OSTF1: variants seen among roughly 807,000 people sequenced by gnomAD.
OSTF1 encodes osteoclast stimulating factor 1, also known as osteoclast-stimulating factor 1.
In OSTF1, 27 loss-of-function variants were observed where a neutral mutation model predicts 37.2. The observed-to-expected ratio is 0.73, with a 90% CI of 0.54 to 1.00. The LOEUF is 1.00. OSTF1 is among the 50% of genes least tolerant of loss of function. The probability of loss-of-function intolerance (pLI) is 0.00; values close to 1 mark genes in which losing one functional copy is unlikely to be tolerated. For missense variants in OSTF1, 232 were observed against 253.8 expected, an observed-to-expected ratio of 0.91 and a Z score of 0.58; for synonymous variants, 82 against 89.2, an observed-to-expected ratio of 0.92 and a Z score of 0.46.
Position 75,088,707 on chromosome 9 carries a change from A to G in OSTF1, c.15A>G (p.Pro5=). MSKP[P]PKPVKPGQVK... is the part of the protein sequence containing the mutation. ...CAGGAAGCGAGATGTCGAAGCCGCCACCCAAACCAGTCAAACCAGGTGAGG... is the reference window on the plus strand; with the variant it reads ...CAGGAAGCGAGATGTCGAAGCCGCCGCCCAAACCAGTCAAACCAGGTGAGG... The change falls in exon 1 of 10, where the codon CCA becomes CCG. Residue 5 remains proline, a synonymous_variant. Transcript: ENST00000346234. 1 of 1,609,074 alleles carries G rather than the reference A, an allele frequency of 6.2e-7. No homozygotes were observed. Among genetic ancestry groups the G allele is most frequent in the East Asian group, 2.2e-5 (1 of 44,530 alleles).
At chr9:75,125,010 A>T (rs1825639273) in intron 2 of OSTF1, among the ~76,000 whole-genome samples, 1 of 152,232 alleles carries the variant, frequency 6.6e-6, no homozygotes, top group Non-Finnish European at 1.5e-5. Flanking sequence ...TAGATGGGAC[A>T]GACTTCTTCA....
At chr9:75,125,508 G>A (rs904216122) in intron 2 of OSTF1, among the ~76,000 whole-genome samples, 1 of 152,168 alleles carries the variant, frequency 6.6e-6, no homozygotes, top group African/African-American at 2.4e-5. Flanking sequence ...ATCAAAATGT[G>A]TATTACAAGG....
At chr9:75,119,477 G>A (rs1196231514) in intron 2 of OSTF1, among the ~76,000 whole-genome samples, 3 of 152,180 alleles carry the variant, frequency 2.0e-5, no homozygotes, top group Non-Finnish European at 4.4e-5. Flanking sequence ...CTATAACAAA[G>A]TTCTACAGAC....
In OSTF1 at chr9:75,130,317, T is replaced by A. The variant is rs149492444; in HGVS notation, c.133-261T>A. ...ACTAGCGTAATTTGTTTTCTTCTGT[T>A]TCATGTCATCTCTTATTTGTTTGGT... On this transcript the variant is annotated intron_variant, in intron 3 of 9. Transcript: ENST00000346234. 5.3e-4 allele frequency among the ~76,000 whole-genome samples: 80 copies of A among 152,322 alleles called. No individual in the cohort carries two copies. In the East Asian group the frequency reaches 8.5e-3, roughly 16 times the overall value.
rs774339576 is a variant in OSTF1, at chr9:75,127,542, G to T, written c.82-27G>T. 3 of 1,386,866 alleles carry T rather than the reference G, an allele frequency of 2.2e-6. No individual in the cohort carries two copies. In the African/African-American group the frequency reaches 4.4e-5, roughly 20 times the overall value. 85.9% of individuals were successfully genotyped at this position (1,386,866 alleles called of 1,614,324 possible). ...TATTCTAATTCATGAAAAATCACAT[G>T]GAGTCAAACTTTTTTTTTTCTTCTA... On this transcript the variant is annotated intron_variant, in intron 2 of 9. Coordinates refer to ENST00000346234, the MANE Select transcript of OSTF1 (RefSeq NM_012383.5).
At chr9:75,113,233 A>G (rs1206570996) in intron 1 of OSTF1, among the ~76,000 whole-genome samples, 1 of 152,136 alleles carries the variant, frequency 6.6e-6, no homozygotes, top group Non-Finnish European at 1.5e-5. Context: ...TTCGTTGATT[A>G]TAAAGGTAAT....
intron 1 of OSTF1, among the ~76,000 whole-genome samples, chr9:75,101,791 C>T (rs1214729225): frequency 6.6e-6 from 1 of 152,124 alleles, no homozygotes; most frequent in African/African-American, 2.4e-5. Flanking sequence ...AGCTTAAGCT[C>T]AGTTCTGTCT....
chr9:75,105,385 T>C (rs1186760643), intron 1 of OSTF1, among the ~76,000 whole-genome samples: 1 of 152,224 alleles, frequency 6.6e-6, no homozygotes, highest in Non-Finnish European at 1.5e-5. Flanking sequence ...AACTCTGCCA[T>C]GGTATAATGT....
chr9:75,090,319 GTGTGTGTGTGT>G (rs1824950040), intron 1 of OSTF1, among the ~76,000 whole-genome samples: 1 of 118,366 alleles, frequency 8.4e-6, no homozygotes, highest in African/African-American at 3.0e-5. Context: ...GTGTGTGTGT[GTGTGTGTGTGT>G]ACACAGTAAT....
chr9:75,095,361 C>G (rs1458103967), intron 1 of OSTF1, among the ~76,000 whole-genome samples: 1 of 152,090 alleles, frequency 6.6e-6, no homozygotes, highest in Non-Finnish European at 1.5e-5. Flanking sequence ...ATGTCTTAAA[C>G]AGAAAAATCT....
chr9:75,105,293 G>C (rs1263695271), intron 1 of OSTF1, among the ~76,000 whole-genome samples: 1 of 152,102 alleles, frequency 6.6e-6, no homozygotes, highest in East Asian at 1.9e-4. Flanking sequence ...CAAGGTAGAG[G>C]TCTGCAAACA....
intron 4 of OSTF1, among the ~76,000 whole-genome samples, chr9:75,130,871 T>G (rs1319717831): frequency 2.0e-5 from 3 of 152,180 alleles, no homozygotes; most frequent in Admixed American, 6.5e-5. Context: ...ACCCAAGGTT[T>G]CCAAGGAAAC....
rs201611729 is a variant in OSTF1, at chr9:75,095,890, G to GC, written c.34+7170dup. Reference sequence around the variant, plus strand: ...ACAAGTTATTGGTGTGACTGCTGTGGCCCCCCTTTTTTTTTTTTTGAGATG... The same window carrying GC: ...ACAAGTTATTGGTGTGACTGCTGTGGCCCCCCCTTTTTTTTTTTTTGAGATG... On this transcript the variant is annotated intron_variant, in intron 1 of 9. Transcript: ENST00000346234. 7.5e-4 allele frequency among the ~76,000 whole-genome samples: 111 copies of GC among 148,962 alleles called. 2 individuals are homozygous for GC. Among genetic ancestry groups the GC allele is most frequent in the Middle Eastern group, 3.5e-3 (1 of 286 alleles).
At chr9:75,137,743 G>A in intron 8 of OSTF1, 127 bp downstream of exon 8, 2 of 644,270 alleles carry the variant, frequency 3.1e-6, no homozygotes, top group South Asian at 1.9e-5. Flanking sequence ...CCTTTGCTCT[G>A]CCTGTGTATC....
At chr9:75,115,924 C>A (rs1018562677) in intron 1 of OSTF1, among the ~76,000 whole-genome samples, 6 of 151,788 alleles carry the variant, frequency 4.0e-5, no homozygotes, top group Non-Finnish European at 7.4e-5. Context: ...GCCAACATGG[C>A]GAAACCCCAT....
chr9:75,145,921 C>T (rs901342062), intron 9 of OSTF1, among the ~76,000 whole-genome samples: 5 of 152,126 alleles, frequency 3.3e-5, no homozygotes, highest in South Asian at 2.1e-4. Context: ...ATACTTGGAA[C>T]CGGTCATATG....
At chr9:75,100,582 T>A (rs558766696) in intron 1 of OSTF1, among the ~76,000 whole-genome samples, 1 of 151,964 alleles carries the variant, frequency 6.6e-6, no homozygotes, top group Non-Finnish European at 1.5e-5. Flanking sequence ...ATACAAAAAT[T>A]AGCCGGGCCG....
intron 8 of OSTF1, among the ~76,000 whole-genome samples, chr9:75,138,294 C>A (rs1239978014): frequency 6.6e-6 from 1 of 152,076 alleles, no homozygotes; most frequent in East Asian, 1.9e-4. Flanking sequence ...ATCCTCAGAG[C>A]AATATTGTGG....
intron 2 of OSTF1, among the ~76,000 whole-genome samples, chr9:75,125,954 G>A (rs775190860): frequency 6.6e-6 from 1 of 152,080 alleles, no homozygotes; most frequent in Non-Finnish European, 1.5e-5. Flanking sequence ...CTGTCACTCA[G>A]GCTGGAGTGC....
Sources: gnomAD v4.1 joint callset for allele counts (sites outside exome capture counted in the v4.1 genomes callset) on GRCh38, gnomAD v4.1.1 for gene constraint, MANE v1.5 for transcripts, NCBI Gene and HGNC (gene_info 2026-07-23, HGNC 2026-07-21) for gene names.